The following HTR3D variants were observed in gnomAD, a reference collection of about 807,000 sequenced individuals.
HTR3D encodes 5-hydroxytryptamine receptor 3D.
Under a neutral mutation model 45.8 loss-of-function variants are expected in HTR3D, and 47 were observed. The ratio of observed to expected loss-of-function variants is 1.03; its 90% CI spans 0.81 to 1.31. The LOEUF is 1.31. Among genes scored for constraint, HTR3D ranks in the 50% most tolerant of loss-of-function variants. HTR3D has a pLI of 0.00. For missense variants in HTR3D, 448 were observed against 506.9 expected, an observed-to-expected ratio of 0.88 and a Z score of 1.12; for synonymous variants, 203 against 199.8, an observed-to-expected ratio of 1.02 and a Z score of -0.13.
At chr3:184,035,659 A>G (rs374730517) in intron 2 of HTR3D, among the ~76,000 whole-genome samples, 2 of 151,750 alleles carry the variant, frequency 1.3e-5, no homozygotes, top group Non-Finnish European at 2.9e-5. Flanking sequence ...CTCTCATGCC[A>G]TGGTTTCCTA....
At position 184,036,395 on chromosome 3, in the gene HTR3D, G is replaced by T; in HGVS notation, c.218G>T (p.Gly73Val). Residue 73 changes from glycine (G) to valine (V), a missense_variant, in exon 4 of 8, where the codon GGT becomes GTT. Transcript: ENST00000428798. ...IEESVDQTPA[G>V]LMASMSIVKA... The stretch of plus-strand genomic sequence containing the variant: ...ATCAGTGTGGATCAGACACCTGCAG[G>T]TCTCATGGCTAGTATGTCAATAGTG... 1 of 1,614,160 alleles carries T rather than the reference G, an allele frequency of 6.2e-7. No homozygotes were observed. The highest frequency in any genetic ancestry group is 8.5e-7 in the Non-Finnish European group (1 of 1,180,046).
Position 184,038,007 on chromosome 3 carries a change from C to G in HTR3D, c.517-14C>G, listed in dbSNP as rs779849044. On this transcript the variant is annotated splice_polypyrimidine_tract_variant and intron_variant, in intron 5 of 7. Coordinates refer to ENST00000428798, the MANE Select transcript of HTR3D (RefSeq NM_001145143.1). This position sits in a 1 kb window ranked among gnomAD's most constrained non-coding sequence, Gnocchi z 4.5. ...GCCTACTTCTCACTTGCCCCTCCTTCTCCTCCCCACCAGGTGGCCATCAGG... is the reference window on the plus strand; with the variant it reads ...GCCTACTTCTCACTTGCCCCTCCTTGTCCTCCCCACCAGGTGGCCATCAGG... 1 of 1,611,896 alleles carries G rather than the reference C, an allele frequency of 6.2e-7. No homozygotes were observed. The highest frequency in any genetic ancestry group is 1.1e-5 in the South Asian group (1 of 90,906).
In HTR3D at chr3:184,038,231, G is replaced by C. The variant is rs1432397560; in HGVS notation, c.727G>C (p.Ala243Pro). 1 of 1,614,210 alleles carries C rather than the reference G, an allele frequency of 6.2e-7. No individual in the cohort carries two copies. Among genetic ancestry groups the C allele is most frequent in the Admixed American group, 1.7e-5 (1 of 60,018 alleles). ...CCCAGCCACTAGCACTTCATCACAT[G>C]CTTCACTAGTACGTCCTCATCCATC... Reference protein sequence around the residue: ...LLPATSTSSHASLVRPHPSRD... With the variant: ...LLPATSTSSHPSLVRPHPSRD... The change falls in exon 6 of 8, where the codon GCT (alanine) becomes CCT (proline). Residue 243 changes from alanine to proline, a missense_variant. Transcript: ENST00000428798. The surrounding 1 kb of genome is among the most constrained non-coding windows in gnomAD (Gnocchi z 4.5).
chr3:184,038,930 C>G lies in HTR3D; in HGVS notation c.1170C>G (p.Phe390Leu). 6.2e-7 allele frequency: 1 copy of G among 1,614,206 alleles called. No homozygotes were observed. Among genetic ancestry groups the G allele is most frequent in the African/African-American group, 1.3e-5 (1 of 75,042 alleles). The change falls in exon 8 of 8, where the codon TTC (phenylalanine) becomes TTG (leucine). Residue 390 changes from phenylalanine to leucine, a missense_variant. Coordinates refer to ENST00000428798, the MANE Select transcript of HTR3D (RefSeq NM_001145143.1). The surrounding 1 kb of genome is among the most constrained non-coding windows in gnomAD (Gnocchi z 4.5). ...DALLFRLYLL[F>L]MASSIITVIC... ...TGCTCTTCCGCCTCTACCTGCTCTT[C>G]ATGGCCTCCTCCATCATCACCGTCA... is the stretch of plus-strand genomic sequence containing the variant.
At chr3:184,037,184 G>C (rs557804943) in intron 5 of HTR3D, among the ~76,000 whole-genome samples, 1 of 151,838 alleles carries the variant, frequency 6.6e-6, no homozygotes, top group East Asian at 1.9e-4. Context: ...GGATTACAAG[G>C]GCCCGCCACC....
intron 1 of HTR3D, chr3:184,032,902 C>T (rs1246123665): frequency 1.3e-5 from 20 of 1,552,092 alleles, no homozygotes; most frequent in Admixed American, 3.9e-5. Context: ...CAGGAAATGG[C>T]GACACTTTGA....
rs1466341521 is a variant in HTR3D at position 184,033,705 on chromosome 3, T to G, written c.67-1473T>G. ...GCTGAGGCGGGTAGATCACGTGAGG[T>G]CAGGAGTTCAAGACCAGCCTGACCA... is the stretch of plus-strand genomic sequence containing the variant. On this transcript the variant is annotated intron_variant, in intron 1 of 7. Transcript: ENST00000428798. Among the ~76,000 whole-genome samples the G allele has an allele frequency of 2.6e-5, 4 of 151,298 alleles. No homozygotes were observed. In the East Asian group the frequency reaches 7.8e-4, roughly 30 times the overall value.
chr3:184,036,152 C>T, intron 3 of HTR3D, 52 bp downstream of exon 3: 1 of 1,524,332 alleles, frequency 6.6e-7, no homozygotes, highest in South Asian at 1.3e-5. Flanking sequence ...CAGGGAAGGA[C>T]ACAATGTTAC....
Position 184,038,833 on chromosome 3 carries a change from A to T in HTR3D, c.1073A>T (p.Gln358Leu). 6.2e-7 allele frequency: 1 copy of T among 1,614,164 alleles called. No homozygotes were observed. Among genetic ancestry groups the T allele is most frequent in the Non-Finnish European group, 8.5e-7 (1 of 1,180,032 alleles). ...LTGGSEWTRAQREHEAQKQHS... is the reference protein window; with the variant it reads ...LTGGSEWTRALREHEAQKQHS... The stretch of plus-strand genomic sequence containing the variant: ...GGGGGCTCAGAATGGACAAGGGCCC[A>T]GCGGGAACACGAGGCCCAGAAGCAG... The change falls in exon 8 of 8, where the codon CAG (glutamine) becomes CTG (leucine). Residue 358 changes from glutamine (Q) to leucine (L), a missense_variant. By Grantham distance (113) the Gln-to-Leu change is moderately radical. Transcript: ENST00000428798. The surrounding 1 kb of genome is among the most constrained non-coding windows in gnomAD (Gnocchi z 4.5).
At chr3:184,035,252 T>C (rs1722852968) in intron 2 of HTR3D, 30 bp downstream of exon 2, 20 of 1,537,614 alleles carry the variant, frequency 1.3e-5, no homozygotes, top group Non-Finnish European at 1.8e-5. Context: ...CCCTTTCCTC[T>C]ACTCTGGTGC....
At chr3:184,035,295 C>T in intron 2 of HTR3D, 73 bp downstream of exon 2, 1 of 1,258,872 alleles carries the variant, frequency 7.9e-7, no homozygotes, top group East Asian at 2.5e-5. Context: ...TCCAGCTTTG[C>T]AGATTATATT....
rs1406946269 is a variant in HTR3D at position 184,038,672 on chromosome 3, C to T, written c.985+48C>T. ...TTCCCCCACCTCCACTTCTCTGCTC[C>T]TGCCTCCTTCCCTGTCTCCCTCCCT... is the stretch of plus-strand genomic sequence containing the variant. On this transcript the variant is annotated intron_variant, in intron 7 of 7. Coordinates refer to ENST00000428798, the MANE Select transcript of HTR3D (RefSeq NM_001145143.1). This position sits in a 1 kb window ranked among gnomAD's most constrained non-coding sequence, Gnocchi z 4.5. 3 of 1,575,798 alleles carry T rather than the reference C, an allele frequency of 1.9e-6. No individual in the cohort carries two copies. The highest frequency in any genetic ancestry group is 2.3e-5 in the East Asian group (1 of 42,596).
At chr3:184,035,313 G>C in intron 2 of HTR3D, 91 bp downstream of exon 2, 5 of 1,066,274 alleles carry the variant, frequency 4.7e-6, no homozygotes, top group Non-Finnish European at 7.0e-6. Flanking sequence ...ATTGGTTAAA[G>C]CTGAGAATAT....
chr3:184,038,476 C>T lies in HTR3D; in HGVS notation c.837C>T (p.His279=). The change falls in exon 7 of 8, where the codon CAC becomes CAT. Residue 279 remains histidine (H), a synonymous_variant. Coordinates refer to ENST00000428798, the MANE Select transcript of HTR3D (RefSeq NM_001145143.1). The surrounding 1 kb of genome is among the most constrained non-coding windows in gnomAD (Gnocchi z 4.5). The part of the protein sequence containing the change: ...GSLLETIFIT[H]LLHVATTQPL... ...TGCTGGAGACCATCTTCATCACCCA[C>T]CTGCTGCACGTGGCCACCACCCAGC... The T allele has an allele frequency of 1.2e-6, 2 of 1,614,122 alleles. No homozygotes were observed. Among genetic ancestry groups the T allele is most frequent in the Admixed American group, 1.7e-5 (1 of 60,026 alleles).
At chr3:184,032,756 C>A in intron 1 of HTR3D, 1 of 1,084,224 alleles carries the variant, frequency 9.2e-7, no homozygotes, top group Non-Finnish European at 1.3e-6. Flanking sequence ...CATTTGCCTA[C>A]CAGCTCAGCC....
At chr3:184,032,122 T>C (rs573576044) in intron 1 of HTR3D, among the ~76,000 whole-genome samples, 1 of 151,774 alleles carries the variant, frequency 6.6e-6, no homozygotes, top group Non-Finnish European at 1.5e-5. Flanking sequence ...GCCTCCCAAG[T>C]AGCTGGGATT....
At chr3:184,032,097 C>T (rs1404097548) in intron 1 of HTR3D, among the ~76,000 whole-genome samples, 4 of 149,738 alleles carry the variant, frequency 2.7e-5, no homozygotes, top group East Asian at 2.0e-4. Context: ...CAGGTTCAAA[C>T]GATCTCATGC....
At chr3:184,032,731 C>T (rs1045103745) in intron 1 of HTR3D, 2 of 837,520 alleles carry the variant, frequency 2.4e-6, no homozygotes, top group Non-Finnish European at 3.8e-6. Flanking sequence ...CTCAGCTCAC[C>T]TCATCAGTTT....
At chr3:184,037,978 C>G in intron 5 of HTR3D, 43 bp from the exon 6 acceptor site, 1 of 1,601,304 alleles carries the variant, frequency 6.2e-7, no homozygotes, top group South Asian at 1.1e-5. Flanking sequence ...TTGACAGCCT[C>G]CCAGCCTACT....
Sources: gnomAD v4.1 joint callset for allele counts (sites outside exome capture counted in the v4.1 genomes callset) on GRCh38, gnomAD v4.1.1 for gene constraint, Gnocchi (gnomAD v3.1) non-coding constraint, MANE v1.5 for transcripts, NCBI Gene and HGNC (gene_info 2026-07-23, HGNC 2026-07-21) for gene names.